Variants in TEX11 observed in about 807,000 individuals in gnomAD.
TEX11 encodes testis expressed 11.
In TEX11, 7 loss-of-function variants were observed where a neutral mutation model predicts 84.4. The ratio of observed to expected loss-of-function variants is 0.08; its 90% confidence interval spans 0.05 to 0.16. TEX11 has a LOEUF of 0.16. TEX11 is among the 10% of genes least tolerant of loss of function. TEX11 has a pLI of 1.00. For synonymous variants in TEX11, 264 were observed against 222.8 expected, an observed-to-expected ratio of 1.18 and a Z score of -1.64; for missense variants, 551 against 660.5, an observed-to-expected ratio of 0.83 and a Z score of 1.82.
At chrX:70,799,423 G>A (rs2091174216) in intron 9 of TEX11, among the ~76,000 whole-genome samples, 1 of 111,928 alleles carries the variant, frequency 8.9e-6, no homozygotes, top group South Asian at 3.7e-4. Context: ...TTGTGGTGAA[G>A]GACACTGGTG....
chrX:70,704,809 T>G (rs895481751), intron 13 of TEX11, among the ~76,000 whole-genome samples: 2 of 111,400 alleles, frequency 1.8e-5, no homozygotes, highest in Non-Finnish European at 3.8e-5. Context: ...GTATGACTTA[T>G]GGCTTTACTA....
At position 70,777,585 on chromosome X, in the gene TEX11, G is replaced by A. The variant is rs186058774; in HGVS notation, c.692+29120C>T. ...AATTACTTGAACCCAGGAGGCAGAC[G>A]TTGCGGTGAGCCGATATCACATCAT... On this transcript the variant is annotated intron_variant, in intron 9 of 29. Coordinates refer to ENST00000374333, the MANE Select transcript of TEX11 (RefSeq NM_031276.3). Among the ~76,000 whole-genome samples, 259 of 112,050 alleles carry A rather than the reference G, an allele frequency of 2.3e-3. 3 individuals carry two copies. Among genetic ancestry groups the A allele is most frequent in the African/African-American group, 7.7e-3 (238 of 30,895 alleles).
At chrX:70,657,740 C>A (rs2089883819) in intron 16 of TEX11, among the ~76,000 whole-genome samples, 1 of 109,110 alleles carries the variant, frequency 9.2e-6, no homozygotes, top group Non-Finnish European at 1.9e-5. Flanking sequence ...GAATACTATG[C>A]AGCCATAAAA....
At chrX:70,628,063 T>C (rs2089468758) in intron 18 of TEX11, among the ~76,000 whole-genome samples, 1 of 110,308 alleles carries the variant, frequency 9.1e-6, no homozygotes, top group African/African-American at 3.3e-5. Flanking sequence ...ACCCCGCCTC[T>C]ACTAAAAATA....
At chrX:70,542,171 G>C (rs2088054175) in intron 28 of TEX11, among the ~76,000 whole-genome samples, 1 of 110,929 alleles carries the variant, frequency 9.0e-6, no homozygotes, top group Admixed American at 9.7e-5. Flanking sequence ...GCTGTTGGGA[G>C]GTGATAAGGT....
At chrX:70,887,626 C>T (rs779486247) in intron 2 of TEX11, among the ~76,000 whole-genome samples, 6 of 112,441 alleles carry the variant, frequency 5.3e-5, no homozygotes, top group Non-Finnish European at 7.5e-5. Context: ...TCTCTGGACC[C>T]ACCCAGGGCC....
intron 24 of TEX11, among the ~76,000 whole-genome samples, chrX:70,605,081 C>G (rs1042306633): frequency 2.2e-4 from 24 of 111,378 alleles, no homozygotes; most frequent in African/African-American, 7.8e-4. Flanking sequence ...TGGTAAGAAA[C>G]AAAAGTGGAG....
intron 15 of TEX11, among the ~76,000 whole-genome samples, chrX:70,675,104 C>T (rs2147643942): frequency 9.0e-6 from 1 of 111,067 alleles, no homozygotes; most frequent in South Asian, 3.8e-4. Context: ...TGTCATGCAT[C>T]TTACTTTTAC....
At chrX:70,891,272 G>A (rs935727754) in intron 2 of TEX11, among the ~76,000 whole-genome samples, 1 of 111,926 alleles carries the variant, frequency 8.9e-6, no homozygotes, top group African/African-American at 3.2e-5. Context: ...CAAAGATGGG[G>A]AGAAACCAGA....
At chrX:70,767,812 G>A (rs1402455094) in intron 9 of TEX11, among the ~76,000 whole-genome samples, 1 of 111,775 alleles carries the variant, frequency 8.9e-6, no homozygotes, top group Non-Finnish European at 1.9e-5. Flanking sequence ...GTGAGATTCT[G>A]TCATTTGCAA....
intron 9 of TEX11, among the ~76,000 whole-genome samples, chrX:70,789,821 G>A (rs991615436): frequency 1.8e-5 from 2 of 112,038 alleles, no homozygotes; most frequent in African/African-American, 6.5e-5. Context: ...TCAAAGAGAC[G>A]TCTACACTTC....
intron 13 of TEX11, among the ~76,000 whole-genome samples, chrX:70,705,956 G>A (rs1489154130): frequency 1.8e-5 from 2 of 111,322 alleles, no homozygotes; most frequent in African/African-American, 3.3e-5. Context: ...TCCCATTACC[G>A]GGTATATACC....
At chrX:70,668,362 G>C (rs1430729055) in intron 16 of TEX11, among the ~76,000 whole-genome samples, 1 of 112,133 alleles carries the variant, frequency 8.9e-6, no homozygotes, top group Non-Finnish European at 1.9e-5. Flanking sequence ...TTAGACACTG[G>C]CGAGGTGGGA....
intron 17 of TEX11, among the ~76,000 whole-genome samples, chrX:70,646,035 A>G (rs963174123): frequency 8.9e-6 from 1 of 112,098 alleles, no homozygotes; most frequent in Non-Finnish European, 1.9e-5. Context: ...ACAAAGCTAT[A>G]CTAATCAAAA....
chrX:70,558,219 G>GAT (rs58659453), intron 25 of TEX11, among the ~76,000 whole-genome samples: 8,954 of 107,249 alleles, frequency 0.083, 865 homozygotes, highest in African/African-American at 0.27. Flanking sequence ...CTGACATAAG[G>GAT]ATATATATAT....
At chrX:70,696,008 A>G (rs1457395981) in intron 13 of TEX11, among the ~76,000 whole-genome samples, 2 of 111,992 alleles carry the variant, frequency 1.8e-5, no homozygotes, top group Non-Finnish European at 3.8e-5. Flanking sequence ...GTTTAATAAT[A>G]ATGATCATTT....
chrX:70,638,379 T>A (rs983831565), intron 17 of TEX11, among the ~76,000 whole-genome samples: 1 of 111,886 alleles, frequency 8.9e-6, no homozygotes, highest in Admixed American at 9.5e-5. Flanking sequence ...ATTAATACTT[T>A]ACCCAGTAAA....
In TEX11 at chrX:70,529,967, C is replaced by T; in HGVS notation, c.2553G>A (p.Leu851=). Residue 851 remains leucine (L), a synonymous_variant, in exon 29 of 30, where the codon CTG becomes CTA. Transcript: ENST00000374333. ...CTCCGGTATTCCAGGACTTGACCATCAGCCAGAGAATCTCCATTTCTGGGT... is the reference window on the plus strand; with the variant it reads ...CTCCGGTATTCCAGGACTTGACCATTAGCCAGAGAATCTCCATTTCTGGGT... The part of the protein sequence containing the change: ...KDYPEMEILW[L]MVKSWNTGVL... The T allele has an allele frequency of 8.3e-7, 1 of 1,209,730 alleles. No individual in the cohort carries two copies. Among genetic ancestry groups the T allele is most frequent in the Non-Finnish European group, 1.1e-6 (1 of 894,920 alleles).
At chrX:70,863,263 C>T (rs371001899) in intron 4 of TEX11, among the ~76,000 whole-genome samples, 10 of 112,068 alleles carry the variant, frequency 8.9e-5, no homozygotes, top group African/African-American at 2.9e-4. Flanking sequence ...CCCTGACCCC[C>T]GTGCCTCCTG....
Sources: gnomAD v4.1 joint callset for allele counts (sites outside exome capture counted in the v4.1 genomes callset) on GRCh38, gnomAD v4.1.1 for gene constraint, MANE v1.5 for transcripts, NCBI Gene and HGNC (gene_info 2026-07-23, HGNC 2026-07-21) for gene names.